Variants in MMP16 observed in about 807,000 individuals in gnomAD.
The protein encoded by MMP16 is matrix metallopeptidase 16.
Under a neutral mutation model 67.8 loss-of-function variants are expected in MMP16, and 12 were observed. The observed-to-expected ratio is 0.18, with a 90% CI of 0.11 to 0.29. The LOEUF is 0.29. MMP16 is among the 10% of genes least tolerant of loss of function. The pLI is 1.00. For synonymous variants in MMP16, 249 were observed against 255.9 expected (o/e 0.97, Z 0.26); for missense variants, 475 against 765.7 (o/e 0.62, Z 4.48).
At chr8:88,245,816 T>C (rs1336462961) in intron 1 of MMP16, among the ~76,000 whole-genome samples, 7 of 152,158 alleles carry the variant, frequency 4.6e-5, no homozygotes, top group African/African-American at 7.2e-5. Flanking sequence ...GTGATGCACA[T>C]TCCCAAGGTG....
At chr8:88,261,635 G>A (rs7835822) in intron 1 of MMP16, among the ~76,000 whole-genome samples, 32,839 of 151,776 alleles carry the variant, frequency 0.22, 4,120 homozygotes, top group African/African-American at 0.34. Context: ...AATGGAGACT[G>A]CGTATCATCA....
At chr8:88,042,205 C>T (rs1808142466) in intron 9 of MMP16, among the ~76,000 whole-genome samples, 1 of 152,196 alleles carries the variant, frequency 6.6e-6, no homozygotes, top group African/African-American at 2.4e-5. Context: ...AACTGAAACA[C>T]TGTTTACCCT....
chr8:88,116,391 C>T, intron 6 of MMP16, 116 bp downstream of exon 6: 1 of 888,340 alleles, frequency 1.1e-6, no homozygotes, highest in South Asian at 1.8e-5. Flanking sequence ...TTTTTTTGAA[C>T]TTTCTAACTG....
intron 3 of MMP16, among the ~76,000 whole-genome samples, chr8:88,176,075 A>G (rs1443351382): frequency 1.3e-5 from 2 of 152,170 alleles, no homozygotes; most frequent in African/African-American, 4.8e-5. Flanking sequence ...CACAGGTAGT[A>G]TTGTTACAAT....
At chr8:88,183,261 A>C (rs182902268) in intron 3 of MMP16, among the ~76,000 whole-genome samples, 3 of 152,306 alleles carry the variant, frequency 2.0e-5, no homozygotes, top group African/African-American at 7.2e-5. Flanking sequence ...ATGCTAATGC[A>C]AGATGTTAAT....
intron 4 of MMP16, among the ~76,000 whole-genome samples, chr8:88,159,711 GT>G (rs1248318968): frequency 6.6e-6 from 1 of 152,068 alleles, no homozygotes; most frequent in African/African-American, 2.4e-5. Flanking sequence ...TCTTGTGCCA[GT>G]TTTCAAAGGG....
At chr8:88,082,825 T>TA (rs28991875) in intron 6 of MMP16, among the ~76,000 whole-genome samples, 8,756 of 151,132 alleles carry the variant, frequency 0.058, 517 homozygotes, top group African/African-American at 0.13. Context: ...TTGTTAAAAA[T>TA]AAAAAAAATT....
chr8:88,159,146 T>C (rs922889601), intron 4 of MMP16, among the ~76,000 whole-genome samples: 91 of 152,252 alleles, frequency 6.0e-4, no homozygotes, highest in African/African-American at 2.1e-3. Context: ...CTTGGCAATG[T>C]GGGCTCTCTT....
chr8:88,147,821 C>A (rs1487478693), intron 4 of MMP16, among the ~76,000 whole-genome samples: 1 of 151,352 alleles, frequency 6.6e-6, no homozygotes, highest in Admixed American at 6.6e-5. Flanking sequence ...CTAGTTTATG[C>A]TGCTTTGAAT....
At position 88,323,884 on chromosome 8, in the gene MMP16, T is replaced by C. The variant is rs114174740; in HGVS notation, c.132+3191A>G. Among the ~76,000 whole-genome samples the C allele has an allele frequency of 7.4e-3, 1,120 of 152,240 alleles. 19 individuals are homozygous for C. Among genetic ancestry groups the C allele is most frequent in the African/African-American group, 0.026 (1,082 of 41,552 alleles). Reference sequence around the variant, plus strand: ...ACAGTAGACATTAATAATTATTTGTTAATAATTTAGCTGCTTCTGACCAAT... The same window carrying C: ...ACAGTAGACATTAATAATTATTTGTCAATAATTTAGCTGCTTCTGACCAAT... On this transcript the variant is annotated intron_variant, in intron 1 of 9. Coordinates refer to ENST00000286614, the MANE Select transcript of MMP16 (RefSeq NM_005941.5).
At chr8:88,099,156 A>G (rs1031087612) in intron 6 of MMP16, among the ~76,000 whole-genome samples, 1 of 151,746 alleles carries the variant, frequency 6.6e-6, no homozygotes, top group Non-Finnish European at 1.5e-5. Context: ...AAAAGAATAT[A>G]AGAATTTTTT....
At chr8:88,105,883 GAAT>G (rs1809229700) in intron 6 of MMP16, among the ~76,000 whole-genome samples, 2 of 150,826 alleles carry the variant, frequency 1.3e-5, no homozygotes, top group Admixed American at 1.3e-4. Context: ...TGACAAAAAA[GAAT>G]AAAATATTAA....
At chr8:88,127,387 G>A (rs1415860583) in intron 4 of MMP16, among the ~76,000 whole-genome samples, 1 of 151,866 alleles carries the variant, frequency 6.6e-6, no homozygotes, top group Non-Finnish European at 1.5e-5. Flanking sequence ...AGTAGACAAA[G>A]AATTAGGTGA....
chr8:88,295,670 C>A (rs1811000897), intron 1 of MMP16, among the ~76,000 whole-genome samples: 1 of 152,034 alleles, frequency 6.6e-6, no homozygotes, highest in Admixed American at 6.6e-5. Flanking sequence ...CTGCTCAAAT[C>A]TAATAAACAT....
intron 3 of MMP16, among the ~76,000 whole-genome samples, chr8:88,184,600 A>G (rs1425439315): frequency 7.0e-6 from 1 of 142,250 alleles, no homozygotes; most frequent in Non-Finnish European, 1.5e-5. Flanking sequence ...AGCAAAAATT[A>G]GCTGGGCATG....
chr8:88,294,654 A>T (rs1413997963), intron 1 of MMP16, among the ~76,000 whole-genome samples: 2 of 152,152 alleles, frequency 1.3e-5, no homozygotes, highest in African/African-American at 4.8e-5. Context: ...GACATATATA[A>T]ACACATATAT....
At chr8:88,069,982 C>T (rs948250849) in intron 7 of MMP16, among the ~76,000 whole-genome samples, 1 of 152,116 alleles carries the variant, frequency 6.6e-6, no homozygotes, top group African/African-American at 2.4e-5. Flanking sequence ...TGATTGACTG[C>T]AATCCTATCT....
intron 1 of MMP16, among the ~76,000 whole-genome samples, chr8:88,226,504 T>C (rs1809771330): frequency 6.6e-6 from 1 of 152,128 alleles, no homozygotes; most frequent in Admixed American, 6.6e-5. Flanking sequence ...AAGACTCATT[T>C]TCAAGTTCTG....
chr8:88,226,837 T>C (rs1035400592), intron 1 of MMP16, among the ~76,000 whole-genome samples: 1 of 151,952 alleles, frequency 6.6e-6, no homozygotes, highest in Non-Finnish European at 1.5e-5. Flanking sequence ...AGGACTTTGT[T>C]TCCTATTAAA....
Sources: allele counts gnomAD v4.1 joint callset (sites outside exome capture counted in the v4.1 genomes callset), GRCh38; gene constraint gnomAD v4.1.1; transcripts MANE v1.5; gene names NCBI Gene and HGNC (gene_info 2026-07-23, HGNC 2026-07-21).